KIF13A: variants seen among roughly 807,000 people sequenced by gnomAD.
KIF13A encodes the protein kinesin-like protein KIF13A.
KIF13A carries 79 observed loss-of-function variants against 212.2 expected under a neutral mutation model. The observed-to-expected ratio is 0.37, with a 90% CI of 0.31 to 0.45. KIF13A has a LOEUF of 0.45. Ranked by LOEUF, KIF13A falls within the 20% of genes least tolerant of loss-of-function variation. The probability of loss-of-function intolerance (pLI) is 1.00; values close to 1 mark genes in which losing one functional copy is unlikely to be tolerated. For missense variants in KIF13A, 1,901 were observed against 2,209.0 expected (o/e 0.86, Z 2.79); for synonymous variants, 789 against 808.6 (o/e 0.98, Z 0.41).
In KIF13A at chr6:17,880,871, C is replaced by T. The variant is rs547778414; in HGVS notation, c.160-7434G>A. ...CTGACCCCAAGCAATTCTCCCACCT[C>T]GACCTCCCAAAGTGCTGAGCCACTG... On this transcript the variant is annotated intron_variant, in intron 3 of 38. Coordinates refer to ENST00000259711, the MANE Select transcript of KIF13A (RefSeq NM_022113.6). Among the ~76,000 whole-genome samples the T allele has an allele frequency of 1.4e-4, 21 of 152,164 alleles. No homozygotes were observed. The East Asian group carries it at 4.1e-3, about 29-fold the overall frequency.
intron 23 of KIF13A, 55 bp downstream of exon 23, chr6:17,796,612 ACT>A (rs1762058842): frequency 3.4e-6 from 4 of 1,187,454 alleles, no homozygotes; most frequent in South Asian, 5.7e-5. Context: ...AGGTTCAGAG[ACT>A]CTGCTCAAGT....
In KIF13A at chr6:17,851,861, T is replaced by C. The variant is rs750973617; in HGVS notation, c.582+94A>G. The C allele has an allele frequency of 2.1e-4, 114 of 554,304 alleles. 2 individuals are homozygous for C. Among genetic ancestry groups the C allele is most frequent in the Non-Finnish European group, 2.6e-4 (87 of 336,782 alleles). 34.3% of individuals were successfully genotyped at this position (554,304 alleles called of 1,614,324 possible). A position where few individuals can be genotyped will look rare whatever the true frequency, so the allele number is the denominator to read the frequency against. The stretch of plus-strand genomic sequence containing the variant: ...TCTGAGGCCCTGAGTAGTATCATTC[T>C]GCTATAAAGCATCCACATAAAATAT... On this transcript the variant is annotated intron_variant, in intron 7 of 38. Transcript: ENST00000259711.
In KIF13A at chr6:17,968,759, T is replaced by A. The variant is rs1241682522; in HGVS notation, c.146+18295A>T. Among the ~76,000 whole-genome samples the A allele has an allele frequency of 2.0e-5, 3 of 152,158 alleles. No homozygotes were observed. The highest frequency in any genetic ancestry group is 4.8e-5 in the African/African-American group (2 of 41,426). On this transcript the variant is annotated intron_variant, in intron 2 of 38. Transcript: ENST00000259711. This position sits in a 1 kb window ranked among gnomAD's most constrained non-coding sequence, Gnocchi z 4.7. ...AAAGCTGTAAGGGTCCAGAGCTACA[T>A]TTGTACTGCCATTACCCCCAAAAGC...
In KIF13A at chr6:17,856,102, A is replaced by G; in HGVS notation, c.241T>C (p.Cys81Arg). 6.2e-7 allele frequency: 1 copy of G among 1,612,900 alleles called. No individual in the cohort carries two copies. The highest frequency in any genetic ancestry group is 8.5e-7 in the Non-Finnish European group (1 of 1,178,994). Residue 81 changes from cysteine to arginine, a missense_variant, in exon 5 of 39, where the codon TGC becomes CGC. By Grantham distance (180) the Cys-to-Arg change is radical. Coordinates refer to ENST00000259711, the MANE Select transcript of KIF13A (RefSeq NM_022113.6). The surrounding 1 kb of genome is among the most constrained non-coding windows in gnomAD (Gnocchi z 4.5). ...TTTTCAAGAATTCCTTCCCCAAGGC[A>G]CTTGAAAACCACTTCTTGACCTAAA... ...KYAGQEVVFK[C>R]LGEGILEKAF...
rs748886688 is a variant in KIF13A at position 17,947,083 on chromosome 6, C to T, written c.146+39971G>A. On this transcript the variant is annotated intron_variant, in intron 2 of 38. Transcript: ENST00000259711. This position sits in a 1 kb window ranked among gnomAD's most constrained non-coding sequence, Gnocchi z 4.6. The stretch of plus-strand genomic sequence containing the variant: ...GACGAAAAGTTCAAAAAGTAGCATT[C>T]CATTTACAAAAATATTAAAACCAGG... 6.6e-6 allele frequency among the ~76,000 whole-genome samples: 1 copy of T among 152,158 alleles called. No homozygotes were observed.
At position 17,950,386 on chromosome 6, in the gene KIF13A, TATA is replaced by T. The variant is rs1187124295; in HGVS notation, c.146+36665_146+36667del. 1.2e-5 allele frequency: 12 copies of T among 961,518 alleles called. No individual in the cohort carries two copies. The East Asian group carries it at 1.2e-3, about 92-fold the overall frequency. The allele number at this position is 961,518 out of a possible 1,614,324, so 59.6% of individuals were successfully genotyped here. ...GGTTAGAGGAAAAGAAGATTAAAAA[TATA>T]ATGACTCACAGACATGTGCTTTCAG... is the stretch of plus-strand genomic sequence containing the variant. On this transcript the variant is annotated intron_variant, in intron 2 of 38. Coordinates refer to ENST00000259711, the MANE Select transcript of KIF13A (RefSeq NM_022113.6).
intron 2 of KIF13A, among the ~76,000 whole-genome samples, chr6:17,945,248 A>C (rs1777282288): frequency 6.6e-6 from 1 of 152,234 alleles, no homozygotes; most frequent in Admixed American, 6.5e-5. Flanking sequence ...TGAACGAAAG[A>C]AGCTAGATAC....
intron 16 of KIF13A, among the ~76,000 whole-genome samples, chr6:17,824,784 A>AAC (rs1764821919): frequency 6.8e-6 from 1 of 147,648 alleles, no homozygotes; most frequent in African/African-American, 2.5e-5. Context: ...AAAAAAACAA[A>AAC]ACACCAAAAT....
Position 17,785,668 on chromosome 6 carries a change from G to C in KIF13A, c.3362-27C>G. On this transcript the variant is annotated intron_variant, in intron 27 of 38. Coordinates refer to ENST00000259711, the MANE Select transcript of KIF13A (RefSeq NM_022113.6). This position sits in a 1 kb window ranked among gnomAD's most constrained non-coding sequence, Gnocchi z 5.8. ...TGCAGAAAAAAATGAGGAGATCAAT[G>C]CCAACAAGAGAGAAAGTATGACTTC... 1 of 1,588,886 alleles carries C rather than the reference G, an allele frequency of 6.3e-7. No individual in the cohort carries two copies. The highest frequency in any genetic ancestry group is 8.6e-7 in the Non-Finnish European group (1 of 1,167,412).
In KIF13A at chr6:17,785,743, T is replaced by A; in HGVS notation, c.3362-102A>T. ...GCCTGGGCAACATAGTGAGACCCCA[T>A]CTCTACCAAAAAAAAAAAAATAGTT... is the stretch of plus-strand genomic sequence containing the variant. On this transcript the variant is annotated intron_variant, in intron 27 of 38. Transcript: ENST00000259711. This position sits in a 1 kb window ranked among gnomAD's most constrained non-coding sequence, Gnocchi z 5.8. The A allele has an allele frequency of 6.6e-6, 8 of 1,213,734 alleles. No individual in the cohort carries two copies. The highest frequency in any genetic ancestry group is 8.0e-6 in the Non-Finnish European group (7 of 873,412). The allele number at this position is 1,213,734 out of a possible 1,614,324, so 75.2% of individuals were successfully genotyped here. A position where few individuals can be genotyped will look rare whatever the true frequency, so the allele number is the denominator to read the frequency against.
chr6:17,981,008 G>C (rs1010491437), intron 2 of KIF13A, among the ~76,000 whole-genome samples: 1 of 144,102 alleles, frequency 6.9e-6, no homozygotes, highest in Admixed American at 7.1e-5. Flanking sequence ...TCTGGGGAAA[G>C]AAATGAAGAG....
intron 2 of KIF13A, among the ~76,000 whole-genome samples, chr6:17,957,774 T>C (rs1470351095): frequency 6.6e-6 from 1 of 152,184 alleles, no homozygotes; most frequent in African/African-American, 2.4e-5. Context: ...TTGCTTGTTG[T>C]GGTGTGAGAG....
chr6:17,894,488 T>A (rs1435585805), intron 3 of KIF13A, among the ~76,000 whole-genome samples: 1 of 152,140 alleles, frequency 6.6e-6, no homozygotes, highest in Non-Finnish European at 1.5e-5. Flanking sequence ...TTATAGTGAT[T>A]TTTTCATAAT....
intron 25 of KIF13A, among the ~76,000 whole-genome samples, chr6:17,791,150 T>C (rs1236850780): frequency 6.6e-6 from 1 of 151,992 alleles, no homozygotes; most frequent in African/African-American, 2.4e-5. Flanking sequence ...TTATCAGTTA[T>C]ATGACTAACT....
chr6:17,933,137 G>A (rs1032824044), intron 2 of KIF13A, among the ~76,000 whole-genome samples: 9 of 152,118 alleles, frequency 5.9e-5, no homozygotes, highest in Admixed American at 2.0e-4. Context: ...ATAATGAAAA[G>A]AATGGCTGGA....
chr6:17,887,382 A>G (rs1771643819), intron 3 of KIF13A, among the ~76,000 whole-genome samples: 1 of 152,204 alleles, frequency 6.6e-6, no homozygotes, highest in Admixed American at 6.5e-5. Context: ...AGGTTCACAC[A>G]CAAGGCAGTT....
intron 2 of KIF13A, among the ~76,000 whole-genome samples, chr6:17,906,800 G>A (rs1773544949): frequency 6.6e-6 from 1 of 152,150 alleles, no homozygotes; most frequent in South Asian, 2.1e-4. Flanking sequence ...GTGAGGGGAA[G>A]CTACGGTTCC....
intron 3 of KIF13A, among the ~76,000 whole-genome samples, chr6:17,881,003 A>T (rs1399246897): frequency 1.3e-5 from 2 of 151,972 alleles, no homozygotes; most frequent in African/African-American, 4.8e-5. Flanking sequence ...TTGTGAGAAC[A>T]TTTTTTTTGC....
chr6:17,824,687 G>A (rs189772170), intron 16 of KIF13A, among the ~76,000 whole-genome samples: 5 of 150,308 alleles, frequency 3.3e-5, no homozygotes, highest in South Asian at 4.3e-4. Flanking sequence ...CGTGAACCTG[G>A]GAGGTGGAGC....
Sources: gnomAD v4.1 joint callset for allele counts (sites outside exome capture counted in the v4.1 genomes callset) on GRCh38, gnomAD v4.1.1 for gene constraint, Gnocchi (gnomAD v3.1) non-coding constraint, MANE v1.5 for transcripts, NCBI Gene and HGNC (gene_info 2026-07-23, HGNC 2026-07-21) for gene names.